MKLN1: variants seen among roughly 807,000 people sequenced by gnomAD.
The protein encoded by MKLN1 is muskelin.
In MKLN1, 18 loss-of-function variants were observed where a neutral mutation model predicts 99.0. The observed-to-expected ratio is 0.18, with a 90% CI of 0.13 to 0.27. The LOEUF is 0.27. Among genes scored for constraint, MKLN1 ranks in the 10% least tolerant of loss-of-function variants. The pLI, the probability that MKLN1 is intolerant of heterozygous loss-of-function variation, is 1.00. For synonymous variants in MKLN1, 288 were observed against 293.2 expected (o/e 0.98, Z 0.18); for missense variants, 621 against 875.9 (o/e 0.71, Z 3.67).
rs577232019 is a variant in MKLN1 at position 131,143,043 on chromosome 7, G to A, written c.-297+102G>A. 8 of 791,682 alleles carry A rather than the reference G, an allele frequency of 1.0e-5. No individual in the cohort carries two copies. In the South Asian group the frequency reaches 1.2e-4, roughly 12 times the overall value. 49.0% of individuals were successfully genotyped at this position (791,682 alleles called of 1,614,324 possible). On this transcript the variant is annotated intron_variant, in intron 2 of 7. Transcript: ENST00000416992. ...ATTCTTCTCTCTGGAGTCTTCATCAGAAGATGTGACTGGAGTCCTCACTAG... is the reference window on the plus strand; with the variant it reads ...ATTCTTCTCTCTGGAGTCTTCATCAAAAGATGTGACTGGAGTCCTCACTAG...
intron 8 of MKLN1, among the ~76,000 whole-genome samples, chr7:131,428,827 A>G (rs114153487): frequency 0.013 from 1,980 of 152,290 alleles, 51 homozygotes; most frequent in African/African-American, 0.045. Context: ...TCTCAAAATA[A>G]TGGTTCTGCA....
At chr7:131,256,957 T>TA (rs1369812003) in intron 3 of MKLN1, among the ~76,000 whole-genome samples, 2 of 151,982 alleles carry the variant, frequency 1.3e-5, no homozygotes, top group Admixed American at 6.6e-5. Flanking sequence ...GAATGTAAAA[T>TA]AAAAAAATAC....
At chr7:131,180,464 C>T (rs1487186817) in intron 2 of MKLN1, among the ~76,000 whole-genome samples, 11 of 152,092 alleles carry the variant, frequency 7.2e-5, no homozygotes, top group African/African-American at 2.2e-4. Context: ...TTTGGGAGGC[C>T]GAGGCGGGCG....
chr7:131,477,813 T>TG (rs1032228839), intron 16 of MKLN1, among the ~76,000 whole-genome samples: 5 of 152,346 alleles, frequency 3.3e-5, no homozygotes, highest in African/African-American at 1.2e-4. Context: ...GCTCAAGTCT[T>TG]GGGAAGTGCC....
At chr7:131,242,459 C>T (rs1420145389) in intron 3 of MKLN1, 2 of 212,416 alleles carry the variant, frequency 9.4e-6, no homozygotes, top group Non-Finnish European at 1.9e-5. Flanking sequence ...TCCCTTGAGC[C>T]CAGGAGTTTG....
intron 3 of MKLN1, among the ~76,000 whole-genome samples, chr7:131,210,970 T>A (rs1796897179): frequency 6.6e-6 from 1 of 151,528 alleles, no homozygotes. Flanking sequence ...CATTACCAAG[T>A]ATCTTCCATC....
At position 131,225,031 on chromosome 7, in the gene MKLN1, C is replaced by T. The variant is rs546361450; in HGVS notation, c.-179+22057C>T. Among the ~76,000 whole-genome samples the T allele has an allele frequency of 9.5e-4, 144 of 151,568 alleles. 1 individual carries two copies. The highest frequency in any genetic ancestry group is 3.3e-3 in the African/African-American group (136 of 41,262). ...GAGCTTGCAATGAGCCAAGATCGTG[C>T]CACTGCAGTCCAGGCTGGGCAACAG... On this transcript the variant is annotated intron_variant, in intron 3 of 7. Coordinates refer to the MKLN1 transcript ENST00000416992.
chr7:131,351,383 A>G (rs371724352), intron 1 of MKLN1, among the ~76,000 whole-genome samples: 3 of 152,196 alleles, frequency 2.0e-5, no homozygotes, highest in Non-Finnish European at 4.4e-5. Flanking sequence ...AGTTGTTTCT[A>G]TGGTGGCATT....
intron 12 of MKLN1, among the ~76,000 whole-genome samples, chr7:131,461,657 T>C (rs1220790934): frequency 6.6e-6 from 1 of 152,204 alleles, no homozygotes. Context: ...TCTCCTGCAA[T>C]ACATAGTATT....
At chr7:131,127,807 C>A (rs1203031800) in intron 1 of MKLN1, among the ~76,000 whole-genome samples, 1 of 152,164 alleles carries the variant, frequency 6.6e-6, no homozygotes, top group South Asian at 2.1e-4. Context: ...ATAGAAGTCT[C>A]CTCTGGGAAG....
At chr7:131,448,747 A>G (rs1386676691) in intron 12 of MKLN1, among the ~76,000 whole-genome samples, 1 of 152,224 alleles carries the variant, frequency 6.6e-6, no homozygotes, top group Non-Finnish European at 1.5e-5. Flanking sequence ...TAAAATCAAA[A>G]TCACCATTTT....
At chr7:131,293,315 C>T (rs913724505) in intron 3 of MKLN1, among the ~76,000 whole-genome samples, 2 of 152,192 alleles carry the variant, frequency 1.3e-5, no homozygotes, top group Non-Finnish European at 2.9e-5. Context: ...CAGTCCAGAG[C>T]AGCAGAACTA....
chr7:131,435,011 A>G (rs890865771), intron 9 of MKLN1, among the ~76,000 whole-genome samples: 1 of 152,218 alleles, frequency 6.6e-6, no homozygotes, highest in Non-Finnish European at 1.5e-5. Flanking sequence ...TAAATTTCGT[A>G]CATGTTATCA....
intron 3 of MKLN1, among the ~76,000 whole-genome samples, chr7:131,240,030 A>C (rs993075581): frequency 6.6e-6 from 1 of 152,198 alleles, no homozygotes; most frequent in African/African-American, 2.4e-5. Flanking sequence ...AAAATTTAAA[A>C]ATTAGCAGGA....
At chr7:131,430,762 T>G (rs1795500114) in intron 9 of MKLN1, among the ~76,000 whole-genome samples, 1 of 152,190 alleles carries the variant, frequency 6.6e-6, no homozygotes, top group Admixed American at 6.5e-5. Flanking sequence ...ACCAACACAG[T>G]CTTTAAAAAG....
chr7:131,206,555 T>TATTATTATTATTATTATTATTATC (rs1385817877), intron 3 of MKLN1, among the ~76,000 whole-genome samples: 6 of 149,490 alleles, frequency 4.0e-5, no homozygotes, highest in Non-Finnish European at 7.4e-5. Flanking sequence ...TTATTATTGT[T>TATTATTATTATTATTATTATTATC]ATTATTATTA....
In MKLN1 at chr7:131,291,903, G is replaced by A. The variant is rs555162461; in HGVS notation, c.-178-83521G>A. The stretch of plus-strand genomic sequence containing the variant: ...GAGGATATCTTGAGACCAGGAGTTC[G>A]AGACCAGTCTGGGCCACATAGTGAG... On this transcript the variant is annotated intron_variant, in intron 3 of 7. Coordinates refer to the MKLN1 transcript ENST00000416992. 1.1e-3 allele frequency among the ~76,000 whole-genome samples: 174 copies of A among 152,166 alleles called. 1 individual carries two copies. The highest frequency in any genetic ancestry group is 1.8e-3 in the Non-Finnish European group (123 of 68,008).
chr7:131,376,679 A>G (rs754168434), intron 2 of MKLN1, among the ~76,000 whole-genome samples: 1 of 150,488 alleles, frequency 6.6e-6, no homozygotes, highest in African/African-American at 2.4e-5. Context: ...TAATTTTTAT[A>G]TATAATGTAA....
chr7:131,171,012 C>T (rs537060955), intron 2 of MKLN1, among the ~76,000 whole-genome samples: 11 of 152,188 alleles, frequency 7.2e-5, no homozygotes, highest in South Asian at 4.1e-4. Context: ...GATAACATTC[C>T]TCCCCTCAAA....
Sources: allele counts gnomAD v4.1 joint callset (sites outside exome capture counted in the v4.1 genomes callset), GRCh38; gene constraint gnomAD v4.1.1; transcripts MANE v1.5; gene names NCBI Gene and HGNC (gene_info 2026-07-23, HGNC 2026-07-21).